The following MNAT1 variants were observed in gnomAD, a reference collection of about 807,000 sequenced individuals.
MNAT1 encodes the protein MNAT1 component of CDK activating kinase, also known as CDK-activating kinase assembly factor MAT1.
Under a neutral mutation model 42.0 loss-of-function variants are expected in MNAT1, and 43 were observed. The observed-to-expected ratio is 1.02, with a 90% CI of 0.80 to 1.32. MNAT1 has a LOEUF of 1.32. MNAT1 is among the 40% of genes most tolerant of loss of function. The pLI, the probability that MNAT1 is intolerant of heterozygous loss-of-function variation, is 0.00. For missense variants in MNAT1, 306 were observed against 350.4 expected (o/e 0.87, Z 1.01); for synonymous variants, 118 against 120.0 (o/e 0.98, Z 0.11).
chr14:60,858,429 T>A (rs1290708597), intron 6 of MNAT1, among the ~76,000 whole-genome samples: 1 of 151,996 alleles, frequency 6.6e-6, no homozygotes, highest in Non-Finnish European at 1.5e-5. Context: ...GTTTTTTTTT[T>A]TTTTATAAAT....
intron 6 of MNAT1, among the ~76,000 whole-genome samples, chr14:60,857,887 C>A (rs1309549519): frequency 6.6e-6 from 1 of 152,134 alleles, no homozygotes; most frequent in Non-Finnish European, 1.5e-5. Flanking sequence ...ATCTACATCC[C>A]TGCAAAGGAT....
intron 1 of MNAT1, among the ~76,000 whole-genome samples, chr14:60,739,125 T>C (rs533839037): frequency 7.2e-5 from 11 of 152,208 alleles, no homozygotes; most frequent in Non-Finnish European, 1.3e-4. Flanking sequence ...GGGCTACTTA[T>C]GACGTGGCTT....
intron 6 of MNAT1, among the ~76,000 whole-genome samples, chr14:60,848,187 TG>T (rs2033728500): frequency 6.6e-6 from 1 of 152,166 alleles, no homozygotes; most frequent in African/African-American, 2.4e-5. Context: ...AAAGAATTCT[TG>T]GTTTAGTGTT....
intron 7 of MNAT1, among the ~76,000 whole-genome samples, chr14:60,930,255 A>G (rs2139568373): frequency 9.2e-6 from 1 of 108,324 alleles, no homozygotes; most frequent in East Asian, 3.0e-4. Flanking sequence ...ATTTGAGTCT[A>G]TTTCCTTCTC....
chr14:60,842,309 T>C (rs548658244), intron 6 of MNAT1, among the ~76,000 whole-genome samples: 23 of 152,200 alleles, frequency 1.5e-4, no homozygotes, highest in Non-Finnish European at 2.8e-4. Context: ...CATTTTCCTC[T>C]CTGGTAATCT....
intron 1 of MNAT1, among the ~76,000 whole-genome samples, chr14:60,736,110 T>C (rs1002748791): frequency 1.2e-4 from 18 of 152,198 alleles, no homozygotes; most frequent in Non-Finnish European, 2.1e-4. Flanking sequence ...CAAAGAAGTA[T>C]AGTAGAGCTG....
At chr14:60,883,393 A>G (rs2034593313) in intron 7 of MNAT1, among the ~76,000 whole-genome samples, 1 of 152,002 alleles carries the variant, frequency 6.6e-6, no homozygotes. Context: ...CTGTAGATGC[A>G]TGGATTTGTT....
intron 7 of MNAT1, among the ~76,000 whole-genome samples, chr14:60,932,443 A>G (rs1280885175): frequency 6.6e-6 from 1 of 152,016 alleles, no homozygotes; most frequent in African/African-American, 2.4e-5. Context: ...CCATTTTTAG[A>G]AAATTTGGAG....
chr14:60,940,543 G>C (rs1294431073), intron 7 of MNAT1, among the ~76,000 whole-genome samples: 2 of 152,146 alleles, frequency 1.3e-5, no homozygotes, highest in African/African-American at 4.8e-5. Context: ...TCAGCCTCCC[G>C]AGTAGCTGGG....
rs138939654 is a variant in MNAT1 at position 60,743,336 on chromosome 14, T to A, written c.89+8385T>A. Among the ~76,000 whole-genome samples the A allele has an allele frequency of 9.6e-3, 1,460 of 152,214 alleles. 9 individuals are homozygous for A. Among genetic ancestry groups the A allele is most frequent in the Admixed American group, 0.013 (204 of 15,280 alleles). ...CGGAGTCTTGCTCTGTCGCCCAGGC[T>A]GGAGTACAATGGCACAATCTCGGCT... On this transcript the variant is annotated intron_variant, in intron 1 of 7. Transcript: ENST00000261245.
At chr14:60,945,759 T>C (rs1312053312) in intron 7 of MNAT1, among the ~76,000 whole-genome samples, 3 of 152,124 alleles carry the variant, frequency 2.0e-5, no homozygotes, top group Non-Finnish European at 2.9e-5. Context: ...CTGGAGAAGA[T>C]CCCATAAACA....
Position 60,812,073 on chromosome 14 carries a change from A to C in MNAT1, c.507A>C (p.Glu169Asp). Reference protein sequence around the residue: ...EQRRLFIQKEEQLQQILKRKN... With the variant: ...EQRRLFIQKEDQLQQILKRKN... ...GAAGATTATTTATACAAAAAGAAGA[A>C]CAACTGCAGCAGATTCTAAAAAGGA... The change falls in exon 5 of 8, where the codon GAA becomes GAC. Residue 169 changes from glutamate to aspartate, a missense_variant. Around this residue, in one of 3 missense-constraint regions of MNAT1, gnomAD observed 118 missense variants for 99.8 expected, o/e 1.18. Transcript: ENST00000261245. 6.2e-7 allele frequency: 1 copy of C among 1,602,896 alleles called. No individual in the cohort carries two copies. The highest frequency in any genetic ancestry group is 8.5e-7 in the Non-Finnish European group (1 of 1,175,588).
chr14:60,913,645 A>G (rs1222725848), intron 7 of MNAT1, among the ~76,000 whole-genome samples: 1 of 152,068 alleles, frequency 6.6e-6, no homozygotes, highest in Admixed American at 6.5e-5. Context: ...AACAGTGGAT[A>G]TTGGTGAACC....
chr14:60,841,545 A>C (rs1302161793), intron 6 of MNAT1, among the ~76,000 whole-genome samples: 1 of 152,052 alleles, frequency 6.6e-6, no homozygotes, highest in African/African-American at 2.4e-5. Flanking sequence ...CTTCATGAAC[A>C]TGTGGAATAT....
chr14:60,899,992 A>C (rs570511405), intron 7 of MNAT1, among the ~76,000 whole-genome samples: 8 of 151,530 alleles, frequency 5.3e-5, no homozygotes, highest in African/African-American at 1.2e-4. Context: ...CCGTATAAGA[A>C]GGTGAAGTTA....
At chr14:60,917,313 G>A (rs892608486) in intron 7 of MNAT1, among the ~76,000 whole-genome samples, 1 of 151,900 alleles carries the variant, frequency 6.6e-6, no homozygotes, top group African/African-American at 2.4e-5. Flanking sequence ...GGAAAAAATA[G>A]TCATTCCTAT....
At chr14:60,798,838 T>G (rs1304856455) in intron 3 of MNAT1, among the ~76,000 whole-genome samples, 2 of 152,148 alleles carry the variant, frequency 1.3e-5, no homozygotes, top group African/African-American at 4.8e-5. Context: ...AGTGCGGGTT[T>G]GGAAATGACA....
In MNAT1 at chr14:60,940,343, T is replaced by A. The variant is rs374901344; in HGVS notation, c.810-27886T>A. On this transcript the variant is annotated intron_variant, in intron 7 of 7. Transcript: ENST00000261245. ...TTCCTAGCCTCGATGGTCTTTACAA[T>A]TTGGCATGTTTTTGCAGTGGCTCTG... Among the ~76,000 whole-genome samples, 34 of 152,382 alleles carry A rather than the reference T, an allele frequency of 2.2e-4. 2 individuals carry two copies. The highest frequency in any genetic ancestry group is 1.6e-3 in the Admixed American group (24 of 15,310).
At chr14:60,789,498 G>T (rs1202442619) in intron 1 of MNAT1, among the ~76,000 whole-genome samples, 1 of 152,146 alleles carries the variant, frequency 6.6e-6, no homozygotes, top group Non-Finnish European at 1.5e-5. Flanking sequence ...TGTAAAAAAT[G>T]AAATATCTGC....
Sources: gnomAD v4.1 joint callset for allele counts (sites outside exome capture counted in the v4.1 genomes callset) on GRCh38, gnomAD v4.1.1 for gene constraint, gnomAD v4.1.1 regional missense constraint, MANE v1.5 for transcripts, NCBI Gene and HGNC (gene_info 2026-07-23, HGNC 2026-07-21) for gene names.